Variants in SNX30 observed in about 807,000 individuals in gnomAD.
The protein encoded by SNX30 is sorting nexin-30.
SNX30 carries 24 observed loss-of-function variants against 46.4 expected under a neutral mutation model. That is an observed-to-expected ratio of 0.52 (90% confidence interval 0.37 to 0.73). The LOEUF is 0.73. Among genes scored for constraint, SNX30 ranks in the 30% least tolerant of loss-of-function variants. The probability of loss-of-function intolerance (pLI) is 0.00; values close to 1 mark genes in which losing one functional copy is unlikely to be tolerated. For synonymous variants in SNX30, 189 were observed against 211.5 expected, an observed-to-expected ratio of 0.89 and a Z score of 0.92; for missense variants, 533 against 555.7, an observed-to-expected ratio of 0.96 and a Z score of 0.41.
At chr9:112,877,903 A>G (rs1270368424), downstream of SNX30, 1 of 151,944 alleles carries the variant, frequency 6.6e-6, no homozygotes, top group Non-Finnish European at 1.5e-5. Flanking sequence ...TTTTTTGTAG[A>G]GATAGTGGTC....
chr9:112,794,006 C>T (rs1564271620), intron 1 of SNX30, among the ~76,000 whole-genome samples: 1 of 151,978 alleles, frequency 6.6e-6, no homozygotes, highest in African/African-American at 2.4e-5. Flanking sequence ...AGGTTTCACT[C>T]TGTGTTCTTT....
chr9:112,755,557 A>G (rs1475167668), intron 1 of SNX30, among the ~76,000 whole-genome samples: 1 of 152,044 alleles, frequency 6.6e-6, no homozygotes, highest in African/African-American at 2.4e-5. Context: ...GTTTGATTAT[A>G]TATTGAAAAG....
chr9:112,753,507 C>T (rs1002454375), intron 1 of SNX30, among the ~76,000 whole-genome samples: 7 of 152,256 alleles, frequency 4.6e-5, no homozygotes, highest in East Asian at 3.9e-4. Flanking sequence ...TCTCAGCTCC[C>T]GTATAGCTGT....
intron 8 of SNX30, chr9:112,866,393 G>A (rs1237694974): frequency 6.4e-6 from 3 of 468,252 alleles, no homozygotes; most frequent in Non-Finnish European, 8.9e-6. Context: ...GACAACATAC[G>A]CAAAGTCCCT....
downstream of SNX30, among the ~76,000 whole-genome samples, chr9:112,883,135 G>A (rs1413800602): frequency 6.6e-6 from 1 of 152,186 alleles, no homozygotes; most frequent in Non-Finnish European, 1.5e-5. Context: ...TGAGCAGGGG[G>A]AACCAATTGA....
At chr9:112,796,785 C>A (rs1032865484) in intron 1 of SNX30, among the ~76,000 whole-genome samples, 16 of 152,138 alleles carry the variant, frequency 1.1e-4, no homozygotes, top group African/African-American at 3.9e-4. Context: ...GCCCTTGACC[C>A]CAGGCCACAC....
rs1425814852 is a variant in SNX30, at chr9:112,832,455, AGAGAGTGTGT to A, written c.618+1574_618+1583del. Among the ~76,000 whole-genome samples, 357 of 122,046 alleles carry A rather than the reference AGAGAGTGTGT, an allele frequency of 2.9e-3. 2 individuals are homozygous for A. The highest frequency in any genetic ancestry group is 8.6e-3 in the East Asian group (36 of 4,204). 80.1% of individuals were successfully genotyped at this position (122,046 alleles called of 152,430 possible). A position where few individuals can be genotyped will look rare whatever the true frequency, so the allele number is the denominator to read the frequency against. The stretch of plus-strand genomic sequence containing the variant: ...AAGAGAGAGAGAGAGAGAGAGAGAG[AGAGAGTGTGT>A]GTGTGTGTGTGTGTGTGTGTGTGTG... On this transcript the variant is annotated intron_variant, in intron 4 of 8. Coordinates refer to ENST00000374232, the MANE Select transcript of SNX30 (RefSeq NM_001012994.2).
At chr9:112,832,848 AAT>A (rs1240706994) in intron 4 of SNX30, among the ~76,000 whole-genome samples, 3 of 146,910 alleles carry the variant, frequency 2.0e-5, no homozygotes, top group African/African-American at 7.4e-5. Context: ...ATTAATATAT[AAT>A]ATATAATAAA....
intron 1 of SNX30, among the ~76,000 whole-genome samples, chr9:112,760,659 T>C (rs1241747312): frequency 6.6e-6 from 1 of 152,206 alleles, no homozygotes; most frequent in South Asian, 2.1e-4. Flanking sequence ...GTGCCTGAAG[T>C]TAGAACGGGT....
At chr9:112,753,994 G>A (rs1020502500) in intron 1 of SNX30, among the ~76,000 whole-genome samples, 1 of 152,242 alleles carries the variant, frequency 6.6e-6, no homozygotes, top group Admixed American at 6.5e-5. Flanking sequence ...TGTTAGGACA[G>A]TTCAGTGCTA....
intron 2 of SNX30, among the ~76,000 whole-genome samples, chr9:112,810,618 C>G (rs1459739040): frequency 1.3e-5 from 2 of 152,040 alleles, no homozygotes; most frequent in East Asian, 3.9e-4. Flanking sequence ...GGGTTTCTCC[C>G]TGGTGACGGT....
rs146150849 is a variant in SNX30, at chr9:112,759,561, C to T, written c.156+8404C>T. 1.9e-3 allele frequency among the ~76,000 whole-genome samples: 286 copies of T among 152,186 alleles called. 1 individual carries two copies. The highest frequency in any genetic ancestry group is 6.6e-3 in the African/African-American group (274 of 41,524). On this transcript the variant is annotated intron_variant, in intron 1 of 8. Transcript: ENST00000374232. ...TGGCCAACATGGCGAAACCCTGTCT[C>T]TACTAAAAATACAAAAAGTTAGCTG...
At chr9:112,774,818 T>C (rs1202442579) in intron 1 of SNX30, among the ~76,000 whole-genome samples, 1 of 151,722 alleles carries the variant, frequency 6.6e-6, no homozygotes, top group Non-Finnish European at 1.5e-5. Flanking sequence ...GTTCTATATA[T>C]ATATATGTTC....
chr9:112,792,283 A>G (rs542471458), intron 1 of SNX30, among the ~76,000 whole-genome samples: 93 of 152,244 alleles, frequency 6.1e-4, no homozygotes, highest in African/African-American at 2.2e-3. Context: ...TTGATCACAT[A>G]ATTTTTCCTA....
chr9:112,850,724 G>C (rs1380859219), intron 6 of SNX30, 135 bp from the exon 7 acceptor site: 1 of 616,456 alleles, frequency 1.6e-6, no homozygotes, highest in Non-Finnish European at 2.9e-6. Flanking sequence ...TGGCCAGACT[G>C]TCCTAGGAGC....
intron 3 of SNX30, among the ~76,000 whole-genome samples, chr9:112,821,494 AT>A (rs559908167): frequency 1.3e-3 from 189 of 149,220 alleles, no homozygotes; most frequent in African/African-American, 4.4e-3. Flanking sequence ...TGTGTATATA[AT>A]TTTTTTTTTG....
chr9:112,761,101 G>C (rs1248516997), intron 1 of SNX30, among the ~76,000 whole-genome samples: 1 of 152,192 alleles, frequency 6.6e-6, no homozygotes, highest in Non-Finnish European at 1.5e-5. Context: ...TGAGTGCTGT[G>C]ATGTGGAGGT....
intron 7 of SNX30, among the ~76,000 whole-genome samples, chr9:112,854,046 G>A (rs916316353): frequency 6.6e-6 from 1 of 152,226 alleles, no homozygotes; most frequent in African/African-American, 2.4e-5. Context: ...AATAGCATCT[G>A]TACAAGCTCA....
At chr9:112,763,632 C>T (rs568491187) in intron 1 of SNX30, among the ~76,000 whole-genome samples, 1 of 151,858 alleles carries the variant, frequency 6.6e-6, no homozygotes. Flanking sequence ...GGGTGGATCA[C>T]GAGGTCAGGA....
Sources: allele counts gnomAD v4.1 joint callset (sites outside exome capture counted in the v4.1 genomes callset), GRCh38; gene constraint gnomAD v4.1.1; transcripts MANE v1.5; gene names NCBI Gene and HGNC (gene_info 2026-07-23, HGNC 2026-07-21).